Variants in CSMD1 observed in about 807,000 individuals in gnomAD.
CSMD1 encodes the protein CUB and sushi domain-containing protein 1.
In CSMD1, 213 loss-of-function variants were observed where a neutral mutation model predicts 417.5. That is an observed-to-expected ratio of 0.51 (90% CI 0.46 to 0.57). CSMD1 has a LOEUF of 0.57. Ranked by LOEUF, CSMD1 falls within the 20% of genes least tolerant of loss-of-function variation. The pLI, the probability that CSMD1 is intolerant of heterozygous loss-of-function variation, is 0.00. For synonymous variants in CSMD1, 2,862 were observed against 1,736.8 expected (o/e 1.65, Z -16.11); for missense variants, 6,923 against 4,529.7 (o/e 1.53, Z -15.17).
intron 3 of CSMD1, among the ~76,000 whole-genome samples, chr8:4,221,647 C>A (rs113178280): frequency 3.9e-5 from 6 of 152,252 alleles, no homozygotes; most frequent in African/African-American, 1.4e-4. Flanking sequence ...TCCCCTGACA[C>A]CATCCCCTAC....
rs547728906 is a variant in CSMD1 at position 3,157,401 on chromosome 8, A to C, written c.5914+496T>G. 3.3e-5 allele frequency among the ~76,000 whole-genome samples: 5 copies of C among 152,264 alleles called. No individual in the cohort carries two copies. In the East Asian group the frequency reaches 9.7e-4, roughly 29 times the overall value. ...AGCTCTGGAAAGCTTTTTCCTAAAG[A>C]AGCCGGCTGATTGTGCCCCCAGGAG... On this transcript the variant is annotated intron_variant, in intron 39 of 69. Coordinates refer to ENST00000635120, the MANE Select transcript of CSMD1 (RefSeq NM_033225.6).
intron 7 of CSMD1, among the ~76,000 whole-genome samples, chr8:3,630,422 G>C (rs577734365): frequency 6.0e-4 from 91 of 152,250 alleles, no homozygotes; most frequent in Non-Finnish European, 1.0e-3. Context: ...AAGATGAATT[G>C]GCCCAAACCA....
At position 2,978,784 on chromosome 8, in the gene CSMD1, A is replaced by G. The variant is rs1230903908; in HGVS notation, c.8394T>C (p.Asp2798=). The G allele has an allele frequency of 6.2e-7, 1 of 1,612,844 alleles. No individual in the cohort carries two copies. The highest frequency in any genetic ancestry group is 8.5e-7 in the Non-Finnish European group (1 of 1,179,378). ...LPTCRVVNCS[D]PGFVENAIRH... is the part of the protein sequence containing the mutation. ...GAATGGCATTTTCCACAAAGCCTGG[A>G]TCAGAACAGTTCACCACTAGAAAAT... is the stretch of plus-strand genomic sequence containing the variant. Residue 2798 remains aspartate, a synonymous_variant, in exon 55 of 70, where the codon GAT becomes GAC. Coordinates refer to ENST00000635120, the MANE Select transcript of CSMD1 (RefSeq NM_033225.6).
intron 3 of CSMD1, among the ~76,000 whole-genome samples, chr8:4,345,914 A>C (rs1208698827): frequency 6.6e-6 from 1 of 152,146 alleles, no homozygotes; most frequent in Non-Finnish European, 1.5e-5. Context: ...TCAAGACGTA[A>C]CAAGGGAGGG....
intron 38 of CSMD1, among the ~76,000 whole-genome samples, chr8:3,161,550 G>A (rs1433407818): frequency 1.3e-5 from 2 of 149,902 alleles, no homozygotes; most frequent in African/African-American, 4.9e-5. Context: ...CTGGGAGGCG[G>A]AGCTTGCAGT....
At chr8:4,953,938 C>T (rs1808910537) in intron 1 of CSMD1, among the ~76,000 whole-genome samples, 1 of 152,074 alleles carries the variant, frequency 6.6e-6, no homozygotes, top group Admixed American at 6.6e-5. Context: ...AAAAGCTCTC[C>T]TGGTGCACCT....
chr8:4,089,799 C>T (rs953322442), intron 3 of CSMD1, among the ~76,000 whole-genome samples: 3 of 151,900 alleles, frequency 2.0e-5, no homozygotes, highest in Admixed American at 6.6e-5. Context: ...CTCAGTCTAC[C>T]GAGTGTGTTT....
At chr8:4,556,314 G>C (rs1286652033) in intron 2 of CSMD1, among the ~76,000 whole-genome samples, 4 of 152,100 alleles carry the variant, frequency 2.6e-5, no homozygotes, top group Non-Finnish European at 4.4e-5. Context: ...TTGTAAAATA[G>C]TATAGAATAC....
intron 1 of CSMD1, among the ~76,000 whole-genome samples, chr8:4,959,536 T>C (rs1809338846): frequency 2.0e-5 from 3 of 152,262 alleles, no homozygotes; most frequent in African/African-American, 7.2e-5. Context: ...AGCTGCTCCA[T>C]GGTGACCACT....
At chr8:3,714,271 C>A (rs186280168) in intron 6 of CSMD1, among the ~76,000 whole-genome samples, 13 of 151,058 alleles carry the variant, frequency 8.6e-5, no homozygotes, top group Admixed American at 2.0e-4. Flanking sequence ...ATTTGTCTTA[C>A]AATTATTTAA....
intron 37 of CSMD1, among the ~76,000 whole-genome samples, chr8:3,178,849 T>C (rs1353998450): frequency 6.6e-6 from 1 of 152,062 alleles, no homozygotes; most frequent in Non-Finnish European, 1.5e-5. Flanking sequence ...ATTTAAGATA[T>C]CAGAAAATCT....
At chr8:4,141,174 CA>C (rs1477561801) in intron 3 of CSMD1, among the ~76,000 whole-genome samples, 1 of 151,154 alleles carries the variant, frequency 6.6e-6, no homozygotes, top group Admixed American at 6.6e-5. Context: ...CTCACAGTTT[CA>C]AAAAATTATT....
At chr8:4,020,823 G>C (rs746563682) in intron 4 of CSMD1, among the ~76,000 whole-genome samples, 2 of 152,184 alleles carry the variant, frequency 1.3e-5, no homozygotes, top group Non-Finnish European at 2.9e-5. Context: ...GATTAATCAA[G>C]AGTTAGCTCA....
intron 2 of CSMD1, among the ~76,000 whole-genome samples, chr8:4,538,191 A>AC (rs1554507031): frequency 0.011 from 1,585 of 144,924 alleles, 19 homozygotes; most frequent in South Asian, 0.013. Flanking sequence ...AGGTGGCTAC[A>AC]TTTTTTTTTT....
At chr8:4,816,211 G>C (rs935132778) in intron 1 of CSMD1, among the ~76,000 whole-genome samples, 3 of 151,902 alleles carry the variant, frequency 2.0e-5, no homozygotes, top group African/African-American at 7.3e-5. Context: ...TTGGGACAGA[G>C]TCTCGCTCTG....
intron 1 of CSMD1, among the ~76,000 whole-genome samples, chr8:4,937,461 G>A (rs924614639): frequency 1.3e-5 from 2 of 152,028 alleles, no homozygotes; most frequent in African/African-American, 4.8e-5. Context: ...ACTAAGGCAA[G>A]GTATTTTCTT....
At chr8:3,340,387 GTTTTT>G (rs373098575) in intron 23 of CSMD1, among the ~76,000 whole-genome samples, 1 of 151,174 alleles carries the variant, frequency 6.6e-6, no homozygotes, top group African/African-American at 2.4e-5. Context: ...AAATGTTAGG[GTTTTT>G]TTTTATTAAG....
rs573384430 is a variant in CSMD1, at chr8:4,362,345, C to T, written c.415+57608G>A. ...TGTAACTGAACCTTGAGACCCCAAG[C>T]TCATCTGTCTGCCCCCTGCACTCAT... On this transcript the variant is annotated intron_variant, in intron 3 of 69. Transcript: ENST00000635120. Among the ~76,000 whole-genome samples, 13 of 152,248 alleles carry T rather than the reference C, an allele frequency of 8.5e-5. No homozygotes were observed. In the East Asian group the frequency reaches 1.2e-3, roughly 14 times the overall value.
At position 3,620,412 on chromosome 8, in the gene CSMD1, C is replaced by T. The variant is rs116210577; in HGVS notation, c.1010-3615G>A. 4.4e-3 allele frequency among the ~76,000 whole-genome samples: 666 copies of T among 152,116 alleles called. 1 individual carries two copies. The highest frequency in any genetic ancestry group is 0.015 in the African/African-American group (638 of 41,530). On this transcript the variant is annotated intron_variant, in intron 7 of 69. Transcript: ENST00000635120. ...GTATTATACTAAGTTTGACTTAAAA[C>T]CCCCATGTTCATTTCCTACAGTATT...
Sources: allele counts gnomAD v4.1 joint callset (sites outside exome capture counted in the v4.1 genomes callset), GRCh38; gene constraint gnomAD v4.1.1; transcripts MANE v1.5; gene names NCBI Gene and HGNC (gene_info 2026-07-23, HGNC 2026-07-21).